Variants in ANKRD49 observed in about 807,000 individuals in gnomAD.
ANKRD49 encodes the protein ankyrin repeat domain 49.
ANKRD49 carries 18 observed loss-of-function variants against 19.6 expected under a neutral mutation model. That is an observed-to-expected ratio of 0.92 (90% CI 0.63 to 1.36). The LOEUF is 1.36. Among genes scored for constraint, ANKRD49 ranks in the 40% most tolerant of loss-of-function variants. ANKRD49 has a pLI of 0.00. For missense variants in ANKRD49, 218 were observed against 281.6 expected, an observed-to-expected ratio of 0.77 and a Z score of 1.62; for synonymous variants, 88 against 101.8, an observed-to-expected ratio of 0.86 and a Z score of 0.82.
At chr11:94,494,408 G>T (rs988750627) in intron 1 of ANKRD49, among the ~76,000 whole-genome samples, 1 of 152,218 alleles carries the variant, frequency 6.6e-6, no homozygotes, top group Non-Finnish European at 1.5e-5. Context: ...TAGAACTTTT[G>T]AATTAGAACG....
intron 1 of ANKRD49, among the ~76,000 whole-genome samples, chr11:94,495,950 A>C (rs983380245): frequency 2.0e-5 from 3 of 152,224 alleles, no homozygotes; most frequent in African/African-American, 7.2e-5. Flanking sequence ...TATTAGTTGA[A>C]TGAAGGAATG....
chr11:94,496,606 C>A lies in ANKRD49; in HGVS notation c.-88C>A. The A allele has an allele frequency of 8.2e-7, 1 of 1,219,488 alleles. No individual in the cohort carries two copies. The highest frequency in any genetic ancestry group is 1.1e-6 in the Non-Finnish European group (1 of 883,200). 75.5% of individuals were successfully genotyped at this position (1,219,488 alleles called of 1,614,324 possible). A position where few individuals can be genotyped will look rare whatever the true frequency, so the allele number is the denominator to read the frequency against. On this transcript the variant is annotated splice_region_variant and 5_prime_UTR_variant, in exon 2 of 3. Coordinates refer to ENST00000544612, the MANE Select transcript of ANKRD49 (RefSeq NM_017704.3). ...AACTTTTGTATTTGTGTTTTCAGAT[C>A]TTGATGAACAAAGCAGTCATAATTC... is the stretch of plus-strand genomic sequence containing the variant.
At chr11:94,497,626 A>C (rs1947434177) in intron 2 of ANKRD49, 1 of 157,294 alleles carries the variant, frequency 6.4e-6, no homozygotes, top group South Asian at 2.0e-4. Context: ...ATTCCTTATT[A>C]ATACTTTATT....
At position 94,496,799 on chromosome 11, in the gene ANKRD49, C is replaced by T. The variant is rs1472281109; in HGVS notation, c.106C>T (p.Leu36Phe). ...TGAATTGTTGGAAACACATGGACAC[C>T]TTATTCCTACTGGTACTCAAAGTCT... ...QLELLETHGH[L>F]IPTGTQSLWV... Residue 36 changes from leucine (L) to phenylalanine (F), a missense_variant, in exon 2 of 3, where the codon CTT (leucine) becomes TTT (phenylalanine). By Grantham distance (22) the Leu-to-Phe change is conservative. Transcript: ENST00000544612. 1 of 1,613,926 alleles carries T rather than the reference C, an allele frequency of 6.2e-7. No homozygotes were observed. The highest frequency in any genetic ancestry group is 2.2e-5 in the East Asian group (1 of 44,876).
At position 94,496,631 on chromosome 11, in the gene ANKRD49, C is replaced by A; in HGVS notation, c.-63C>A. 7.2e-7 allele frequency: 1 copy of A among 1,390,242 alleles called. No homozygotes were observed. Among genetic ancestry groups the A allele is most frequent in the Non-Finnish European group, 9.7e-7 (1 of 1,033,902 alleles). 86.1% of individuals were successfully genotyped at this position (1,390,242 alleles called of 1,614,324 possible). On this transcript the variant is annotated 5_prime_UTR_variant, in exon 2 of 3. Coordinates refer to ENST00000544612, the MANE Select transcript of ANKRD49 (RefSeq NM_017704.3). ...CTTGATGAACAAAGCAGTCATAATTCATCTCTAGAAAGATTTATATCCTGG... is the reference window on the plus strand; with the variant it reads ...CTTGATGAACAAAGCAGTCATAATTAATCTCTAGAAAGATTTATATCCTGG...
intron 1 of ANKRD49, among the ~76,000 whole-genome samples, chr11:94,494,469 T>G (rs971412429): frequency 6.6e-6 from 1 of 152,206 alleles, no homozygotes; most frequent in South Asian, 2.1e-4. Context: ...CAAGTTGTTT[T>G]AATCTATCTG....
At chr11:94,497,747 A>G (rs1443498448) in intron 2 of ANKRD49, 2 of 231,012 alleles carry the variant, frequency 8.7e-6, no homozygotes, top group East Asian at 1.0e-4. Context: ...CACATAAAAT[A>G]TTAAACAGAA....
chr11:94,495,084 T>C (rs1457832321), intron 1 of ANKRD49, among the ~76,000 whole-genome samples: 1 of 152,130 alleles, frequency 6.6e-6, no homozygotes, highest in Non-Finnish European at 1.5e-5. Flanking sequence ...ATTCTTACAT[T>C]TTACAATAAA....
At chr11:94,497,243 TAA>T in intron 2 of ANKRD49, 5 of 522,042 alleles carry the variant, frequency 9.6e-6, no homozygotes, top group Non-Finnish European at 1.7e-5. Context: ...TAACATTTAT[TAA>T]AAACTAACTA....
intron 1 of ANKRD49, 22 bp from the exon 2 acceptor site, chr11:94,496,582 A>G (rs936981120): frequency 4.4e-5 from 43 of 975,614 alleles, no homozygotes; most frequent in Non-Finnish European, 6.1e-5. Context: ...TTTACTAATA[A>G]CTTTTGTATT....
chr11:94,494,612 G>C lies in ANKRD49; in HGVS notation c.-91+577G>C, dbSNP rs182573421. ...GAAACATACCCTGACATTCCTGATGGAATATCAGGAATATCATCATCAAGT... is the reference window on the plus strand; with the variant it reads ...GAAACATACCCTGACATTCCTGATGCAATATCAGGAATATCATCATCAAGT... On this transcript the variant is annotated intron_variant, in intron 1 of 2. Transcript: ENST00000544612. Among the ~76,000 whole-genome samples, 463 of 152,194 alleles carry C rather than the reference G, an allele frequency of 3.0e-3. 2 individuals are homozygous for C. Among genetic ancestry groups the C allele is most frequent in the African/African-American group, 9.5e-3 (394 of 41,524 alleles).
chr11:94,497,185 C>A, intron 2 of ANKRD49: 1 of 583,944 alleles, frequency 1.7e-6, no homozygotes, highest in Non-Finnish European at 3.0e-6. Context: ...ATTTTAAAAT[C>A]ATTTATATAA....
In ANKRD49 at chr11:94,498,469, A is replaced by C. The variant is rs1313850456; in HGVS notation, c.657A>C (p.Thr219=). The change falls in exon 3 of 3, where the codon ACA becomes ACC. Residue 219 remains threonine (T), a synonymous_variant. Coordinates refer to ENST00000544612, the MANE Select transcript of ANKRD49 (RefSeq NM_017704.3). Reference sequence around the variant, plus strand: ...CTGCATTTGATATTGCCAGGAGGACAAGTATCTATCACTACCTCTTTGAAA... The same window carrying C: ...CTGCATTTGATATTGCCAGGAGGACCAGTATCTATCACTACCTCTTTGAAA... ...EETAFDIARR[T]SIYHYLFEIV... is the part of the protein sequence containing the mutation. The C allele has an allele frequency of 1.2e-6, 2 of 1,613,848 alleles. No individual in the cohort carries two copies.
At chr11:94,495,996 A>C (rs1411722868) in intron 1 of ANKRD49, among the ~76,000 whole-genome samples, 1 of 152,224 alleles carries the variant, frequency 6.6e-6, no homozygotes, top group African/African-American at 2.4e-5. Flanking sequence ...ACAAGGACCC[A>C]ACTAAGAACT....
intron 1 of ANKRD49, among the ~76,000 whole-genome samples, 197 bp from the exon 2 acceptor site, chr11:94,496,405 AAG>A (rs1382120072): frequency 1.3e-5 from 2 of 152,128 alleles, no homozygotes. Context: ...AAAACAACAA[AAG>A]TAAGAAGCAT....
intron 1 of ANKRD49, among the ~76,000 whole-genome samples, chr11:94,494,582 G>A (rs1226448383): frequency 2.0e-5 from 3 of 152,108 alleles, no homozygotes; most frequent in Non-Finnish European, 2.9e-5. Context: ...TGCCCTTTAA[G>A]TTAGGAAACA....
Position 94,496,964 on chromosome 11 carries a change from A to C in ANKRD49, c.258+13A>C, listed in dbSNP as rs755988298. ...TGAAAAAAATCGGGTAAAAAAAAAA[A>C]TTACAGAGGGAAGTGTGACAGTAGG... On this transcript the variant is annotated intron_variant, in intron 2 of 2. Coordinates refer to ENST00000544612, the MANE Select transcript of ANKRD49 (RefSeq NM_017704.3). 23 of 1,612,210 alleles carry C rather than the reference A, an allele frequency of 1.4e-5. No individual in the cohort carries two copies. In the East Asian group the frequency reaches 4.5e-4, roughly 31 times the overall value.
rs1947455459 is a variant in ANKRD49, at chr11:94,498,952, T to C, written c.*420T>C. On this transcript the variant is annotated 3_prime_UTR_variant, in exon 3 of 3. Transcript: ENST00000544612. ...AATTTAAAAGTCTTAAATATTCTGA[T>C]ACAATTCAGCTGTCTTCTCTACCTT... is the stretch of plus-strand genomic sequence containing the variant. 1.2e-5 allele frequency: 2 copies of C among 170,914 alleles called. No individual in the cohort carries two copies. The highest frequency in any genetic ancestry group is 2.5e-5 in the Non-Finnish European group (2 of 80,210). The allele number at this position is 170,914 out of a possible 1,614,324, so 10.6% of individuals were successfully genotyped here. A position where few individuals can be genotyped will look rare whatever the true frequency, so the allele number is the denominator to read the frequency against.
At chr11:94,498,023 T>C (rs1166222575) in intron 2 of ANKRD49, 48 bp from the exon 3 acceptor site, 5 of 1,397,896 alleles carry the variant, frequency 3.6e-6, no homozygotes, top group East Asian at 4.6e-5. Flanking sequence ...GTTTTAGTTA[T>C]TGTTTTGGTT....
Sources: gnomAD v4.1 joint callset for allele counts (sites outside exome capture counted in the v4.1 genomes callset) on GRCh38, gnomAD v4.1.1 for gene constraint, MANE v1.5 for transcripts, NCBI Gene and HGNC (gene_info 2026-07-23, HGNC 2026-07-21) for gene names.